KLF10: variants seen among roughly 807,000 people sequenced by gnomAD.
KLF10 encodes the protein KLF transcription factor 10.
In KLF10, 17 loss-of-function variants were observed where a neutral mutation model predicts 31.6. The observed-to-expected ratio is 0.54, with a 90% CI of 0.37 to 0.81. The LOEUF is 0.81. KLF10 is among the 30% of genes least tolerant of loss of function. The pLI is 0.00. For missense variants in KLF10, 525 were observed against 598.1 expected, an observed-to-expected ratio of 0.88 and a Z score of 1.27; for synonymous variants, 239 against 215.1, an observed-to-expected ratio of 1.11 and a Z score of -0.97.
rs1234961497 is a variant in KLF10, at chr8:102,650,225, G to A, written c.1350C>T (p.Arg450=). 2 of 1,614,184 alleles carry A rather than the reference G, an allele frequency of 1.2e-6. No homozygotes were observed. Among genetic ancestry groups the A allele is most frequent in the Admixed American group, 3.3e-5 (2 of 60,026 alleles). ...RSDHLTKHAR[R]HLSAKKLPNW... ...TTGGTAGCTTCTTGGCTGATAGATG[G>A]CGCCGGGCATGCTTGGTCAAATGGT... The change falls in exon 4 of 4, where the codon CGC becomes CGT. Residue 450 remains arginine (R), a synonymous_variant. Transcript: ENST00000285407.
chr8:102,653,507 A>G (rs1195551493), intron 1 of KLF10: 13 of 1,536,532 alleles, frequency 8.5e-6, no homozygotes, highest in Non-Finnish European at 1.1e-5. Context: ...AACTGTCCAG[A>G]CTCGTTTGGT....
Position 102,651,666 on chromosome 8 carries a change from CT to C in KLF10, c.665del (p.Glu222GlyfsTer65). The C allele has an allele frequency of 6.2e-7, 1 of 1,614,248 alleles. No individual in the cohort carries two copies. Among genetic ancestry groups the C allele is most frequent in the Non-Finnish European group, 8.5e-7 (1 of 1,180,050 alleles). On this transcript the variant is annotated frameshift_variant, in exon 3 of 4. Transcript: ENST00000285407. LOFTEE classifies it high-confidence loss of function. ...CERNTVADVDEKASAALYDFS... is the reference protein window; with the variant it reads ...CERNTVADVDXKASAALYDFS... ...AGTCATAAAGTGCAGCACTTGCTTTCTCATCAACATCTGCCACTGTGTTTCT... is the reference window on the plus strand; with the variant it reads ...AGTCATAAAGTGCAGCACTTGCTTTCCATCAACATCTGCCACTGTGTTTCT...
At chr8:102,655,415 C>T in intron 1 of KLF10, 151 bp downstream of exon 1, 1 of 975,804 alleles carries the variant, frequency 1.0e-6, no homozygotes, top group Non-Finnish European at 1.6e-6. Flanking sequence ...TGCCCATAGT[C>T]TGCAGGCAGG....
rs753260279 is a variant in KLF10 at position 102,655,615 on chromosome 8, G to C, written c.-14C>G. On this transcript the variant is annotated 5_prime_UTR_variant, in exon 1 of 4. Transcript: ENST00000285407. ...GAAGTTGAGCATGGTTGGCTGCTTG[G>C]CCGCCGGCGGCAAGCTGACTGGCTG... 2.5e-6 allele frequency: 4 copies of C among 1,613,748 alleles called. No individual in the cohort carries two copies. In the Admixed American group the frequency reaches 6.7e-5, roughly 27 times the overall value.
chr8:102,654,921 C>T (rs1314431047), intron 1 of KLF10, among the ~76,000 whole-genome samples: 1 of 152,130 alleles, frequency 6.6e-6, no homozygotes, highest in Non-Finnish European at 1.5e-5. Context: ...AGCAACTCGT[C>T]CCCCAGGGCT....
chr8:102,651,435 T>C lies in KLF10; in HGVS notation c.897A>G (p.Pro299=). ...VVPSTPPSQP[P]AVCPPVVFMG... ...TGAACACAACAGGGGGGCAAACGGC[T>C]GGTGGCTGGCTGGGAGGAGTGCTGG... The change falls in exon 3 of 4, where the codon CCA becomes CCG. Residue 299 remains proline (P), a synonymous_variant. Coordinates refer to ENST00000285407, the MANE Select transcript of KLF10 (RefSeq NM_005655.4). The C allele has an allele frequency of 6.2e-7, 1 of 1,613,864 alleles. No individual in the cohort carries two copies. The highest frequency in any genetic ancestry group is 8.5e-7 in the Non-Finnish European group (1 of 1,179,904).
intron 1 of KLF10, 140 bp from the exon 2 acceptor site, chr8:102,652,537 T>C: frequency 1.7e-6 from 1 of 576,996 alleles, no homozygotes; most frequent in South Asian, 2.4e-5. Flanking sequence ...AATTTTCCTC[T>C]CACACTTACT....
In KLF10 at chr8:102,651,520, G is replaced by C. The variant is rs777219729; in HGVS notation, c.812C>G (p.Pro271Arg). 9 of 1,613,028 alleles carry C rather than the reference G, an allele frequency of 5.6e-6. No individual in the cohort carries two copies. Among genetic ancestry groups the C allele is most frequent in the Non-Finnish European group, 7.6e-6 (9 of 1,179,116 alleles). ...AVSAGGVPPMPVICQMVPLPA... is the reference protein window; with the variant it reads ...AVSAGGVPPMRVICQMVPLPA... Reference sequence around the variant, plus strand: ...AAGGGGAACCATCTGGCAGATGACCGGCATAGGTGGCACTCCCCCTGCAGA... The same window carrying C: ...AAGGGGAACCATCTGGCAGATGACCCGCATAGGTGGCACTCCCCCTGCAGA... Residue 271 changes from proline (P) to arginine (R), a missense_variant, in exon 3 of 4, where the codon CCG becomes CGG. Physicochemically the swap from Pro to Arg is moderately radical, Grantham distance 103 (BLOSUM62 -2). This residue lies in a region of KLF10 where 434 missense variants were observed against 450.7 expected (regional missense o/e 0.96). Transcript: ENST00000285407.
In KLF10 at chr8:102,650,163, G is replaced by C. The variant is rs765091829; in HGVS notation, c.1412C>G (p.Ala471Gly). The C allele has an allele frequency of 3.1e-6, 5 of 1,614,112 alleles. No individual in the cohort carries two copies. The African/African-American group carries it at 6.7e-5, about 22-fold the overall frequency. The change falls in exon 4 of 4, where the codon GCT becomes GGT. Residue 471 changes from alanine (A) to glycine (G), a missense_variant. Around this residue, in one of 3 missense-constraint regions of KLF10, gnomAD observed 42 missense variants for 42.4 expected, o/e 0.99. Coordinates refer to ENST00000285407, the MANE Select transcript of KLF10 (RefSeq NM_005655.4). ...QMEVSKLNDI[A>G]LPPTPAPTQ is the part of the protein sequence containing the mutation. ...TGTGGGAGCAGGGGTTGGAGGTAGA[G>C]CAATGTCATTTAGCTTGCTCACTTC...
At position 102,653,608 on chromosome 8, in the gene KLF10, C is replaced by T. The variant is rs1827271028; in HGVS notation, c.37-1211G>A. 4 of 1,349,316 alleles carry T rather than the reference C, an allele frequency of 3.0e-6. No individual in the cohort carries two copies. The East Asian group carries it at 1.2e-4, about 40-fold the overall frequency. 83.6% of individuals were successfully genotyped at this position (1,349,316 alleles called of 1,614,324 possible). A position where few individuals can be genotyped will look rare whatever the true frequency, so the allele number is the denominator to read the frequency against. On this transcript the variant is annotated intron_variant, in intron 1 of 3. Transcript: ENST00000285407. ...CTAGTTTTTCAAAAATGCATGATGCCTTCGTGTTGAAATCCTAAGAAAACG... is the reference window on the plus strand; with the variant it reads ...CTAGTTTTTCAAAAATGCATGATGCTTTCGTGTTGAAATCCTAAGAAAACG...
intron 1 of KLF10, 69 bp from the exon 2 acceptor site, chr8:102,652,466 G>A: frequency 9.1e-6 from 6 of 658,674 alleles, no homozygotes; most frequent in Non-Finnish European, 1.1e-5. Flanking sequence ...AGAAAAATGA[G>A]CAAATTTTTT....
In KLF10 at chr8:102,648,917, T is replaced by C. The variant is rs1317805416; in HGVS notation, c.*1215A>G. 6.6e-6 allele frequency: 1 copy of C among 152,636 alleles called. No individual in the cohort carries two copies. Among genetic ancestry groups the C allele is most frequent in the East Asian group, 1.9e-4 (1 of 5,202 alleles). The allele number at this position is 152,636 out of a possible 1,614,324, so 9.5% of individuals were successfully genotyped here. A position where few individuals can be genotyped will look rare whatever the true frequency, so the allele number is the denominator to read the frequency against. Reference sequence around the variant, plus strand: ...AGGGTCCAAGTTTTGATGTCAGAAATCTACACCCAATATACAAAAACAATG... The same window carrying C: ...AGGGTCCAAGTTTTGATGTCAGAAACCTACACCCAATATACAAAAACAATG... On this transcript the variant is annotated 3_prime_UTR_variant, in exon 4 of 4. Coordinates refer to ENST00000285407, the MANE Select transcript of KLF10 (RefSeq NM_005655.4).
At chr8:102,651,044 A>C in intron 3 of KLF10, 105 bp downstream of exon 3, 1 of 1,098,782 alleles carries the variant, frequency 9.1e-7, no homozygotes. Context: ...ACCATCCTCT[A>C]AACTAGCTAA....
intron 1 of KLF10, 130 bp from the exon 2 acceptor site, chr8:102,652,527 A>C: frequency 1.7e-6 from 1 of 583,330 alleles, no homozygotes; most frequent in Non-Finnish European, 3.0e-6. Context: ...AATCAGAAAT[A>C]ATTTTCCTCT....
chr8:102,655,421 G>A, intron 1 of KLF10, 145 bp downstream of exon 1: 7 of 1,015,600 alleles, frequency 6.9e-6, no homozygotes, highest in Non-Finnish European at 9.2e-6. Flanking sequence ...TAGTCTGCAG[G>A]CAGGAAGCCC....
In KLF10 at chr8:102,651,303, G is replaced by A; in HGVS notation, c.1029C>T (p.Pro343=). 6.2e-7 allele frequency: 1 copy of A among 1,605,912 alleles called. No homozygotes were observed. Among genetic ancestry groups the A allele is most frequent in the Non-Finnish European group, 8.5e-7 (1 of 1,176,260 alleles). The stretch of plus-strand genomic sequence containing the variant: ...GGGAAAACCCAGGAGCAGGGGCAAT[G>A]GGAGAGAGTCTGGTGCCATTCGGGC... ...VVSPNGTRLS[P]IAPAPGFSPS... Residue 343 remains proline (P), a synonymous_variant, in exon 3 of 4, where the codon CCC becomes CCT. Coordinates refer to ENST00000285407, the MANE Select transcript of KLF10 (RefSeq NM_005655.4).
In KLF10 at chr8:102,652,309, A is replaced by T; in HGVS notation, c.125T>A (p.Val42Glu). 6.2e-7 allele frequency: 1 copy of T among 1,613,114 alleles called. No individual in the cohort carries two copies. The highest frequency in any genetic ancestry group is 8.5e-7 in the Non-Finnish European group (1 of 1,179,340). Residue 42 changes from valine (V) to glutamate (E), a missense_variant, in exon 2 of 4, where the codon GTA becomes GAA. Val to Glu is a moderately radical substitution (Grantham distance 121). Around this residue, in one of 3 missense-constraint regions of KLF10, gnomAD observed 434 missense variants for 450.7 expected, o/e 0.96. Transcript: ENST00000285407. Reference protein sequence around the residue: ...KTAEKSDFEAVEALMSMSCSW... With the variant: ...KTAEKSDFEAEEALMSMSCSW... The stretch of plus-strand genomic sequence containing the variant: ...GCAGCTCATTGACATAAGTGCTTCT[A>T]CAGCTTCAAAATCACTTTTCTCTGC...
chr8:102,653,916 G>A (rs891069393), intron 1 of KLF10: 2 of 986,042 alleles, frequency 2.0e-6, no homozygotes, highest in African/African-American at 1.8e-5. Context: ...GACGGCGGGG[G>A]AGATCCTAGC....
Position 102,650,396 on chromosome 8 carries a change from A to G in KLF10, c.1184-5T>C, listed in dbSNP as rs1187300629. 7 of 1,610,602 alleles carry G rather than the reference A, an allele frequency of 4.3e-6. No individual in the cohort carries two copies. The highest frequency in any genetic ancestry group is 5.9e-6 in the Non-Finnish European group (7 of 1,177,196). On this transcript the variant is annotated splice_region_variant and splice_polypyrimidine_tract_variant and intron_variant, in intron 3 of 3. Coordinates refer to ENST00000285407, the MANE Select transcript of KLF10 (RefSeq NM_005655.4). Reference sequence around the variant, plus strand: ...TACAGCTGAAAGGCTTTTCTCCTAAAACAAAGACATACAAATCATTATTAT... The same window carrying G: ...TACAGCTGAAAGGCTTTTCTCCTAAGACAAAGACATACAAATCATTATTAT...
Sources: gnomAD v4.1 joint callset for allele counts (sites outside exome capture counted in the v4.1 genomes callset) on GRCh38, gnomAD v4.1.1 for gene constraint, gnomAD v4.1.1 regional missense constraint, MANE v1.5 for transcripts, NCBI Gene and HGNC (gene_info 2026-07-23, HGNC 2026-07-21) for gene names.